CDH8: variants seen among roughly 807,000 people sequenced by gnomAD.
The protein encoded by CDH8 is cadherin-8.
CDH8 carries 17 observed loss-of-function variants against 68.1 expected under a neutral mutation model. The observed-to-expected ratio is 0.25, with a 90% CI of 0.17 to 0.37. The LOEUF (loss-of-function observed/expected upper bound fraction) is 0.37, where lower values mean the gene tolerates loss of function less well. Among genes scored for constraint, CDH8 ranks in the 10% least tolerant of loss-of-function variants. The pLI, the probability that CDH8 is intolerant of heterozygous loss-of-function variation, is 1.00. For missense variants in CDH8, 763 were observed against 999.3 expected, an observed-to-expected ratio of 0.76 and a Z score of 3.19; for synonymous variants, 372 against 365.1, an observed-to-expected ratio of 1.02 and a Z score of -0.21.
At chr16:61,705,873 C>A (rs943593225) in intron 10 of CDH8, among the ~76,000 whole-genome samples, 3 of 152,172 alleles carry the variant, frequency 2.0e-5, no homozygotes, top group African/African-American at 7.2e-5. Flanking sequence ...TTATAGTTTC[C>A]TCTCTAAGAT....
At chr16:61,711,001 G>C (rs933819434) in intron 10 of CDH8, among the ~76,000 whole-genome samples, 1 of 151,934 alleles carries the variant, frequency 6.6e-6, no homozygotes, top group Non-Finnish European at 1.5e-5. Flanking sequence ...TATTCAAGGT[G>C]CTTTGATTTT....
intron 8 of CDH8, among the ~76,000 whole-genome samples, chr16:61,733,460 AAAT>A (rs1444444911): frequency 2.6e-5 from 4 of 151,806 alleles, no homozygotes; most frequent in East Asian, 1.9e-4. Flanking sequence ...CACTAAAATA[AAAT>A]AATAAGAAAA....
At chr16:61,990,884 A>G (rs1965704846) in intron 2 of CDH8, among the ~76,000 whole-genome samples, 1 of 150,602 alleles carries the variant, frequency 6.6e-6, no homozygotes, top group South Asian at 2.1e-4. Context: ...AAGGAAGGAA[A>G]GAAGGAAGGA....
intron 8 of CDH8, among the ~76,000 whole-genome samples, chr16:61,770,371 C>G (rs1166339636): frequency 3.3e-5 from 5 of 151,846 alleles, no homozygotes; most frequent in Non-Finnish European, 5.9e-5. Flanking sequence ...GGCCATTTCC[C>G]TAAGTCATGA....
chr16:61,726,884 C>T, intron 9 of CDH8: 1 of 539,954 alleles, frequency 1.9e-6, no homozygotes. Context: ...GCAGGTTGTT[C>T]CACTTTAGGA....
At chr16:61,955,245 A>G (rs902658099) in intron 2 of CDH8, among the ~76,000 whole-genome samples, 4 of 152,234 alleles carry the variant, frequency 2.6e-5, no homozygotes, top group Admixed American at 6.5e-5. Flanking sequence ...AGATTTCTCT[A>G]TATATAATGA....
intron 10 of CDH8, among the ~76,000 whole-genome samples, chr16:61,711,229 T>C (rs1011539135): frequency 1.3e-5 from 2 of 151,906 alleles, no homozygotes; most frequent in African/African-American, 4.8e-5. Flanking sequence ...GAAATTGCAT[T>C]AGGACCAATC....
intron 1 of CDH8, among the ~76,000 whole-genome samples, chr16:62,030,234 A>G (rs1902292696): frequency 6.6e-6 from 1 of 152,222 alleles, no homozygotes; most frequent in Admixed American, 6.5e-5. Flanking sequence ...AGAATGTATA[A>G]TTTATGAAAA....
intron 4 of CDH8, among the ~76,000 whole-genome samples, chr16:61,841,862 C>A (rs1962690302): frequency 6.6e-6 from 1 of 151,868 alleles, no homozygotes; most frequent in Admixed American, 6.6e-5. Flanking sequence ...GTTTCCCCAT[C>A]AAAAAATAAA....
At position 61,653,453 on chromosome 16, in the gene CDH8, C is replaced by CT. The variant is rs3840045; in HGVS notation, c.*154dup. On this transcript the variant is annotated 3_prime_UTR_variant, in exon 12 of 12. Transcript: ENST00000577390. ...AACATATACTTTTTTATTTTATTAT[C>CT]TTTTTTTGGTTCAACATTAAAATGT... 9 of 1,422,420 alleles carry CT rather than the reference C, an allele frequency of 6.3e-6. No homozygotes were observed. The highest frequency in any genetic ancestry group is 1.7e-5 in the South Asian group (1 of 59,204). 88.1% of individuals were successfully genotyped at this position (1,422,420 alleles called of 1,614,324 possible). A position where few individuals can be genotyped will look rare whatever the true frequency, so the allele number is the denominator to read the frequency against.
chr16:61,647,588 GAAGAAATCCC>G lies in CDH8; in HGVS notation c.*6010_*6019del, dbSNP rs1409995056. ...TGGCCTGAAGTTCTTTGCATGTACA[GAAGAAATCCC>G]AAGAAATTAACATTTGGCTTTGGGG... On this transcript the variant is annotated 3_prime_UTR_variant, in exon 12 of 12. Coordinates refer to ENST00000577390, the MANE Select transcript of CDH8 (RefSeq NM_001796.5). 1.3e-5 allele frequency: 7 copies of G among 542,816 alleles called. No individual in the cohort carries two copies. The highest frequency in any genetic ancestry group is 2.3e-5 in the Non-Finnish European group (7 of 305,934). The allele number at this position is 542,816 out of a possible 1,614,324, so 33.6% of individuals were successfully genotyped here.
intron 4 of CDH8, among the ~76,000 whole-genome samples, chr16:61,835,027 AAT>A (rs1403902074): frequency 6.6e-6 from 1 of 151,986 alleles, no homozygotes; most frequent in African/African-American, 2.4e-5. Flanking sequence ...TTTGCCAAAA[AAT>A]ATCTCCGCAG....
intron 8 of CDH8, among the ~76,000 whole-genome samples, chr16:61,737,894 T>C (rs758759981): frequency 1.3e-5 from 2 of 152,108 alleles, no homozygotes; most frequent in Non-Finnish European, 2.9e-5. Flanking sequence ...ATTTCAATAA[T>C]TTTTGAGGAT....
At chr16:62,010,863 A>G (rs1901791988) in intron 2 of CDH8, among the ~76,000 whole-genome samples, 1 of 151,910 alleles carries the variant, frequency 6.6e-6, no homozygotes, top group Admixed American at 6.6e-5. Flanking sequence ...GATGCGCTTG[A>G]ACCCGGGAGG....
intron 8 of CDH8, among the ~76,000 whole-genome samples, chr16:61,779,253 C>T (rs1474107441): frequency 6.6e-6 from 1 of 152,050 alleles, no homozygotes; most frequent in South Asian, 2.1e-4. Flanking sequence ...ATCTAAAATG[C>T]CCCTGCAGAG....
intron 5 of CDH8, among the ~76,000 whole-genome samples, chr16:61,824,680 T>C (rs941699515): frequency 6.6e-6 from 1 of 151,846 alleles, no homozygotes; most frequent in Non-Finnish European, 1.5e-5. Flanking sequence ...ATGGGGCTAA[T>C]AATAGAGCAA....
chr16:61,908,555 A>C (rs956181038), intron 2 of CDH8, among the ~76,000 whole-genome samples: 5 of 152,192 alleles, frequency 3.3e-5, no homozygotes, highest in African/African-American at 1.2e-4. Flanking sequence ...ATATCTCACA[A>C]TGAATGTTAC....
rs1424366591 is a variant in CDH8 at position 61,987,690 on chromosome 16, C to G, written c.252+33462G>C. On this transcript the variant is annotated intron_variant, in intron 2 of 11. Transcript: ENST00000577390. ...TACTTCTCTCATGACAATATGATGT[C>G]AAAAACATGGATCTCCCCATTACTC... Among the ~76,000 whole-genome samples the G allele has an allele frequency of 4.0e-5, 6 of 151,370 alleles. No individual in the cohort carries two copies. The East Asian group carries it at 1.2e-3, about 29-fold the overall frequency.
chr16:61,715,110 C>CT (rs1329665053), intron 9 of CDH8, among the ~76,000 whole-genome samples: 11 of 151,372 alleles, frequency 7.3e-5, no homozygotes, highest in Admixed American at 5.3e-4. Flanking sequence ...AAATAAAATA[C>CT]TTTTTTTTAA....
Sources: gnomAD v4.1 joint callset for allele counts (sites outside exome capture counted in the v4.1 genomes callset) on GRCh38, gnomAD v4.1.1 for gene constraint, MANE v1.5 for transcripts, NCBI Gene and HGNC (gene_info 2026-07-23, HGNC 2026-07-21) for gene names.